Variants in SPAG17 observed in about 807,000 individuals in gnomAD.
The protein encoded by SPAG17 is sperm associated antigen 17.
A neutral mutation model predicts 273.6 loss-of-function variants in SPAG17; 169 were observed. The observed-to-expected ratio is 0.62, with a 90% CI of 0.55 to 0.70. The LOEUF (loss-of-function observed/expected upper bound fraction) is 0.70. Among genes scored for constraint, SPAG17 ranks in the 30% least tolerant of loss-of-function variants. The probability of loss-of-function intolerance (pLI) is 0.00; values close to 1 mark genes in which losing one functional copy is unlikely to be tolerated. For synonymous variants in SPAG17, 825 were observed against 873.2 expected, an observed-to-expected ratio of 0.94 and a Z score of 0.97; for missense variants, 2,557 against 2,627.8, an observed-to-expected ratio of 0.97 and a Z score of 0.59.
Position 117,994,483 on chromosome 1 carries a change from A to G in SPAG17, c.5101T>C (p.Trp1701Arg). 6.2e-7 allele frequency: 1 copy of G among 1,612,852 alleles called. No homozygotes were observed. Among genetic ancestry groups the G allele is most frequent in the Non-Finnish European group, 8.5e-7 (1 of 1,179,226 alleles). The change falls in exon 35 of 49, where the codon TGG (tryptophan) becomes CGG (arginine). Residue 1701 changes from tryptophan to arginine, a missense_variant. By Grantham distance (101) the Trp-to-Arg change is moderately radical. Transcript: ENST00000336338. ...ATTGTATCTTCCTTTTTTACTTGCC[A>G]TGGTGATGCTTCATGGAAAGGGCGA... is the stretch of plus-strand genomic sequence containing the variant. ...VLRPFHEASPWQVKKEDTIVP... is the reference protein window; with the variant it reads ...VLRPFHEASPRQVKKEDTIVP...
chr1:118,151,557 C>A (rs997505742), intron 1 of SPAG17, among the ~76,000 whole-genome samples, 188 bp from the exon 2 acceptor site: 1 of 152,182 alleles, frequency 6.6e-6, no homozygotes, highest in Non-Finnish European at 1.5e-5. Flanking sequence ...AAATTTCATG[C>A]AACTTGACCA....
intron 5 of SPAG17, 131 bp downstream of exon 5, chr1:118,101,609 C>A: frequency 2.3e-6 from 2 of 861,736 alleles, no homozygotes; most frequent in South Asian, 3.5e-5. Context: ...GTCTCTAGGG[C>A]AAAATGATTG....
intron 13 of SPAG17, among the ~76,000 whole-genome samples, chr1:118,084,107 G>A (rs1426810037): frequency 6.6e-6 from 1 of 152,050 alleles, no homozygotes; most frequent in African/African-American, 2.4e-5. Context: ...AAGGAGAAGT[G>A]GAGGGTGGCA....
At position 118,097,769 on chromosome 1, in the gene SPAG17, A is replaced by T; in HGVS notation, c.912T>A (p.Asn304Lys). ...TFWKYLEPVL[N>K]NEKPETNLFD... Reference sequence around the variant, plus strand: ...AGAGATTTGTTTCAGGTTTCTCATTATTCAGGACTGGTTCCAAGTACTTCC... The same window carrying T: ...AGAGATTTGTTTCAGGTTTCTCATTTTTCAGGACTGGTTCCAAGTACTTCC... Residue 304 changes from asparagine to lysine, a missense_variant, in exon 7 of 49, where the codon AAT becomes AAA. Transcript: ENST00000336338. The T allele has an allele frequency of 6.2e-7, 1 of 1,610,876 alleles. No individual in the cohort carries two copies.
rs1188731510 is a variant in SPAG17, at chr1:117,991,447, C to G, written c.5443G>C (p.Gly1815Arg). 2 of 1,610,562 alleles carry G rather than the reference C, an allele frequency of 1.2e-6. No homozygotes were observed. Among genetic ancestry groups the G allele is most frequent in the Non-Finnish European group, 1.7e-6 (2 of 1,177,876 alleles). The change falls in exon 37 of 49, where the codon GGC becomes CGC. Residue 1815 changes from glycine to arginine, a missense_variant. Coordinates refer to ENST00000336338, the MANE Select transcript of SPAG17 (RefSeq NM_206996.4). ...AGCTTGAGGAGATCAGCAGCATTGCCTCTCTCCTCCTCAGTTCTGGAATCT... is the reference window on the plus strand; with the variant it reads ...AGCTTGAGGAGATCAGCAGCATTGCGTCTCTCCTCCTCAGTTCTGGAATCT... ...VKDSRTEEER[G>R]NAADLLKLVM...
At chr1:118,161,254 T>G (rs758491403) in intron 1 of SPAG17, among the ~76,000 whole-genome samples, 2 of 152,234 alleles carry the variant, frequency 1.3e-5, no homozygotes, top group Non-Finnish European at 2.9e-5. Context: ...GAGCTGGAGC[T>G]GTGCAGTAAT....
chr1:118,143,011 C>T (rs1340933054), intron 3 of SPAG17, among the ~76,000 whole-genome samples: 2 of 152,202 alleles, frequency 1.3e-5, no homozygotes, highest in East Asian at 3.8e-4. Flanking sequence ...GACATGGTCA[C>T]TTAACCATAT....
intron 29 of SPAG17, among the ~76,000 whole-genome samples, chr1:118,014,112 T>G (rs906058973): frequency 2.0e-5 from 3 of 152,234 alleles, no homozygotes; most frequent in African/African-American, 7.2e-5. Context: ...CCATTTGCTG[T>G]GTGACCTTGG....
intron 39 of SPAG17, 75 bp downstream of exon 39, chr1:117,988,030 T>G: frequency 2.8e-6 from 4 of 1,440,030 alleles, no homozygotes; most frequent in Non-Finnish European, 3.8e-6. Context: ...CCAAAAGTTA[T>G]AGCACCTGCA....
intron 16 of SPAG17, among the ~76,000 whole-genome samples, chr1:118,074,297 C>T (rs1653886011): frequency 6.6e-6 from 1 of 152,098 alleles, no homozygotes; most frequent in South Asian, 2.1e-4. Flanking sequence ...TGTGAGGTTG[C>T]CAAGCCACAC....
chr1:118,023,870 T>C (rs1647401643), intron 27 of SPAG17, among the ~76,000 whole-genome samples: 1 of 152,180 alleles, frequency 6.6e-6, no homozygotes, highest in Non-Finnish European at 1.5e-5. Flanking sequence ...TTTCTATTAA[T>C]ATCTATCTAG....
chr1:117,988,963 G>T (rs948150368), intron 38 of SPAG17, among the ~76,000 whole-genome samples: 3 of 151,932 alleles, frequency 2.0e-5, no homozygotes, highest in African/African-American at 7.3e-5. Flanking sequence ...TTATTTCCTG[G>T]AACTGTTTGT....
chr1:118,031,799 C>T lies in SPAG17; in HGVS notation c.3502G>A (p.Val1168Ile). 6.2e-7 allele frequency: 1 copy of T among 1,613,742 alleles called. No individual in the cohort carries two copies. The highest frequency in any genetic ancestry group is 8.5e-7 in the Non-Finnish European group (1 of 1,179,802). Residue 1168 changes from valine to isoleucine, a missense_variant, in exon 25 of 49, where the codon GTT (valine) becomes ATT (isoleucine). Transcript: ENST00000336338. Reference sequence around the variant, plus strand: ...TTGCTTTGAGGAACGGTCACTATAACAGGAACCACTGTTGGAGTGAGTGCT... The same window carrying T: ...TTGCTTTGAGGAACGGTCACTATAATAGGAACCACTGTTGGAGTGAGTGCT... ...PSALTPTVVP[V>I]IVTVPQSKAK...
At chr1:118,102,346 A>AAAAAC (rs71875545) in intron 4 of SPAG17, among the ~76,000 whole-genome samples, 11,368 of 152,266 alleles carry the variant, frequency 0.075, 587 homozygotes, top group East Asian at 0.26. Flanking sequence ...GTTGGTTATT[A>AAAAAC]AAAACAAAAC....
At chr1:118,130,221 T>C (rs1657981806) in intron 3 of SPAG17, among the ~76,000 whole-genome samples, 1 of 152,126 alleles carries the variant, frequency 6.6e-6, no homozygotes, top group Non-Finnish European at 1.5e-5. Flanking sequence ...CTGCATAGTT[T>C]CCCATAGGAC....
intron 1 of SPAG17, among the ~76,000 whole-genome samples, chr1:118,153,017 G>A (rs1027915318): frequency 1.6e-4 from 24 of 152,068 alleles, no homozygotes; most frequent in African/African-American, 5.6e-4. Flanking sequence ...CCCTTATCCC[G>A]CTGTCCACTG....
chr1:118,028,363 T>C lies in SPAG17; in HGVS notation c.3641A>G (p.Gln1214Arg), dbSNP rs1427492904. ...EEEVEPEPVL[Q>R]ETLDVPTFQS... ...GAAGGTGGGAACATCCAAAGTCTCTTGTAAAACAGGTTCTGGTTCTACTTC... is the reference window on the plus strand; with the variant it reads ...GAAGGTGGGAACATCCAAAGTCTCTCGTAAAACAGGTTCTGGTTCTACTTC... The change falls in exon 26 of 49, where the codon CAA becomes CGA. Residue 1214 changes from glutamine (Q) to arginine (R), a missense_variant. Transcript: ENST00000336338. The C allele has an allele frequency of 7.4e-6, 12 of 1,613,774 alleles. No individual in the cohort carries two copies. Among genetic ancestry groups the C allele is most frequent in the Non-Finnish European group, 9.3e-6 (11 of 1,179,818 alleles).
rs546612904 is a variant in SPAG17 at position 118,128,081 on chromosome 1, C to T, written c.316-12640G>A. Among the ~76,000 whole-genome samples the T allele has an allele frequency of 1.2e-4, 18 of 151,662 alleles. No homozygotes were observed. In the South Asian group the frequency reaches 3.3e-3, roughly 28 times the overall value. On this transcript the variant is annotated intron_variant, in intron 3 of 48. Coordinates refer to ENST00000336338, the MANE Select transcript of SPAG17 (RefSeq NM_206996.4). Reference sequence around the variant, plus strand: ...ATGTTGCAGTGGGCCAAGACCGCACCGCTGCACTCCAGCCTGGCGACACAG... The same window carrying T: ...ATGTTGCAGTGGGCCAAGACCGCACTGCTGCACTCCAGCCTGGCGACACAG...
intron 48 of SPAG17, chr1:117,957,029 A>G (rs1158212451): frequency 1.3e-6 from 2 of 1,522,428 alleles, no homozygotes; most frequent in Admixed American, 4.4e-5. Flanking sequence ...AACAACGTTA[A>G]CAAATGTGGC....
Sources: allele counts gnomAD v4.1 joint callset (sites outside exome capture counted in the v4.1 genomes callset), GRCh38; gene constraint gnomAD v4.1.1; transcripts MANE v1.5; gene names NCBI Gene and HGNC (gene_info 2026-07-23, HGNC 2026-07-21).